ZNF182: variants seen among roughly 807,000 people sequenced by gnomAD.
ZNF182 encodes the protein zinc finger protein 21 (KOX 14).
A neutral mutation model predicts 28.1 loss-of-function variants in ZNF182; 10 were observed. The ratio of observed to expected loss-of-function variants is 0.36; its 90% CI spans 0.22 to 0.60. The LOEUF (loss-of-function observed/expected upper bound fraction) is 0.60. Among genes scored for constraint, ZNF182 ranks in the 20% least tolerant of loss-of-function variants. ZNF182 has a pLI of 0.75. For synonymous variants in ZNF182, 156 were observed against 158.7 expected (o/e 0.98, Z 0.13); for missense variants, 352 against 453.2 (o/e 0.78, Z 2.03).
chrX:47,998,083 CTT>C (rs781980046), intron 3 of ZNF182, among the ~76,000 whole-genome samples: 15 of 99,520 alleles, frequency 1.5e-4, no homozygotes, highest in Admixed American at 2.2e-4. Flanking sequence ...TTTCTTTTCT[CTT>C]TTTTTTTTTT....
intron 3 of ZNF182, among the ~76,000 whole-genome samples, chrX:47,996,396 A>G (rs782483261): frequency 4.4e-4 from 49 of 111,771 alleles, no homozygotes; most frequent in African/African-American, 1.5e-3. Context: ...AAAACACAAT[A>G]GACAAATAAA....
At chrX:47,994,726 C>T (rs1398982312) in intron 3 of ZNF182, among the ~76,000 whole-genome samples, 1 of 111,239 alleles carries the variant, frequency 9.0e-6, no homozygotes, top group Non-Finnish European at 1.9e-5. Context: ...GCAACCTCCG[C>T]CTCCCAGGTT....
At chrX:48,002,296 T>C (rs890088400) in intron 3 of ZNF182, among the ~76,000 whole-genome samples, 1 of 111,924 alleles carries the variant, frequency 8.9e-6, no homozygotes, top group Non-Finnish European at 1.9e-5. Flanking sequence ...CAGGCAACCT[T>C]GACTTCCCAT....
chrX:47,974,897 G>GTACA lies in ZNF182; in HGVS notation c.*1266_*1269dup, dbSNP rs1451964542. ...TTTGAAAAGGTAGTACATCCACATAGTACATAGTACACCCACATTTTCAAA... is the reference window on the plus strand; with the variant it reads ...TTTGAAAAGGTAGTACATCCACATAGTACATACATAGTACACCCACATTTTCAAA... On this transcript the variant is annotated 3_prime_UTR_variant, in exon 6 of 6. Transcript: ENST00000376943. 9.0e-6 allele frequency: 1 copy of GTACA among 111,290 alleles called. No individual in the cohort carries two copies. Among genetic ancestry groups the GTACA allele is most frequent in the Non-Finnish European group, 1.9e-5 (1 of 53,061 alleles). The allele number at this position is 111,290 out of a possible 1,213,427, so 9.2% of individuals were successfully genotyped here.
At chrX:47,982,346 G>C (rs1447099438) in intron 5 of ZNF182, among the ~76,000 whole-genome samples, 1 of 111,741 alleles carries the variant, frequency 8.9e-6, no homozygotes, top group African/African-American at 3.3e-5. Flanking sequence ...AGGGAGTAGG[G>C]GCTTCTTTTC....
chrX:47,996,906 C>T (rs1156270736), intron 3 of ZNF182, among the ~76,000 whole-genome samples: 1 of 111,980 alleles, frequency 8.9e-6, no homozygotes, highest in African/African-American at 3.2e-5. Flanking sequence ...CAGTCAGTAC[C>T]TTAATCTGGG....
At position 47,984,765 on chromosome X, in the gene ZNF182, G is replaced by A. The variant is rs782698087; in HGVS notation, c.16-1354C>T. Among the ~76,000 whole-genome samples, 70 of 111,723 alleles carry A rather than the reference G, an allele frequency of 6.3e-4. 1 individual carries two copies. In the South Asian group the frequency reaches 9.9e-3, roughly 16 times the overall value. The stretch of plus-strand genomic sequence containing the variant: ...GAAAATATCTGCAAATCAAATATCT[G>A]GCAAATAACTTTTATTGAGAATATA... On this transcript the variant is annotated intron_variant, in intron 3 of 5. Transcript: ENST00000376943.
intron 3 of ZNF182, among the ~76,000 whole-genome samples, chrX:47,985,075 C>T (rs947842113): frequency 2.5e-4 from 28 of 112,274 alleles, no homozygotes; most frequent in African/African-American, 8.7e-4. Context: ...CCCACTCCCA[C>T]GTTTATTTAC....
Position 47,977,071 on chromosome X carries a change from G to A in ZNF182, c.959C>T (p.Thr320Ile). The A allele has an allele frequency of 8.3e-7, 1 of 1,209,925 alleles. No individual in the cohort carries two copies. The highest frequency in any genetic ancestry group is 1.8e-5 in the South Asian group (1 of 56,481). ...QKSNLIVHQK[T>I]HTGEKTYECT... Reference sequence around the variant, plus strand: ...TTCATAGGTTTTCTCTCCAGTGTGGGTTTTCTGATGGACAATGAGGTTGGA... The same window carrying A: ...TTCATAGGTTTTCTCTCCAGTGTGGATTTTCTGATGGACAATGAGGTTGGA... Residue 320 changes from threonine to isoleucine, a missense_variant, in exon 6 of 6, where the codon ACC becomes ATC. Physicochemically the swap from Thr to Ile is moderately conservative, Grantham distance 89. Coordinates refer to ENST00000376943, the MANE Select transcript of ZNF182 (RefSeq NM_001007088.2).
At chrX:47,979,211 GA>G (rs1382637409) in intron 5 of ZNF182, among the ~76,000 whole-genome samples, 4 of 112,237 alleles carry the variant, frequency 3.6e-5, no homozygotes, top group Non-Finnish European at 7.5e-5. Flanking sequence ...TAGTGATACT[GA>G]ATTTTAACAT....
chrX:47,976,250 G>A lies in ZNF182; in HGVS notation c.1780C>T (p.Leu594Phe). Reference protein sequence around the residue: ...CGKAFTQKSNLIVHQRTHAGK... With the variant: ...CGKAFTQKSNFIVHQRTHAGK... ...GCATGGGTTCGCTGATGTACAATAAGGTTTGATTTTTGGGTAAAGGCTTTC... is the reference window on the plus strand; with the variant it reads ...GCATGGGTTCGCTGATGTACAATAAAGTTTGATTTTTGGGTAAAGGCTTTC... The change falls in exon 6 of 6, where the codon CTT becomes TTT. Residue 594 changes from leucine (L) to phenylalanine (F), a missense_variant. Coordinates refer to ENST00000376943, the MANE Select transcript of ZNF182 (RefSeq NM_001007088.2). 8.3e-7 allele frequency: 1 copy of A among 1,201,857 alleles called. No individual in the cohort carries two copies. The highest frequency in any genetic ancestry group is 1.1e-6 in the Non-Finnish European group (1 of 891,868).
rs1302881601 is a variant in ZNF182, at chrX:47,975,905, A to C, written c.*262T>G. 7.2e-6 allele frequency: 2 copies of C among 279,403 alleles called. No homozygotes were observed. The highest frequency in any genetic ancestry group is 5.6e-5 in the African/African-American group (2 of 35,867). The allele number at this position is 279,403 out of a possible 1,213,427, so 23.0% of individuals were successfully genotyped here. ...TGCAGCCTTGAGCACTCTCACTCTG[A>C]AATCTCCTGCACCAGTGCTTCATTT... On this transcript the variant is annotated 3_prime_UTR_variant, in exon 6 of 6. Transcript: ENST00000376943.
chrX:47,999,965 G>A (rs2058973126), intron 3 of ZNF182, among the ~76,000 whole-genome samples: 1 of 110,340 alleles, frequency 9.1e-6, no homozygotes, highest in Non-Finnish European at 1.9e-5. Context: ...GTGAAACCCC[G>A]TCTCTACTAA....
In ZNF182 at chrX:47,977,018, G is replaced by T; in HGVS notation, c.1012C>A (p.Gln338Lys). 1.7e-6 allele frequency: 2 copies of T among 1,205,427 alleles called. No homozygotes were observed. The highest frequency in any genetic ancestry group is 2.2e-6 in the Non-Finnish European group (2 of 893,231). The change falls in exon 6 of 6, where the codon CAG (glutamine) becomes AAG (lysine). Residue 338 changes from glutamine to lysine, a missense_variant. Coordinates refer to ENST00000376943, the MANE Select transcript of ZNF182 (RefSeq NM_001007088.2). ...TGATGTATAATTAGATCAAGCTTCT[G>T]TATGAAAGATTCTCCACATTTAGTG... ...ECTKCGESFI[Q>K]KLDLIIHHST... is the part of the protein sequence containing the mutation.
chrX:47,976,841 T>C lies in ZNF182; in HGVS notation c.1189A>G (p.Thr397Ala). ...ECGKSFNEKS[T>A]LIVHQRTHTG... ...TGAGTTCTTTGATGCACAATGAGGG[T>C]TGACTTCTCATTGAAAGACTTCCCA... The change falls in exon 6 of 6, where the codon ACC (threonine) becomes GCC (alanine). Residue 397 changes from threonine (T) to alanine (A), a missense_variant. Transcript: ENST00000376943. The C allele has an allele frequency of 8.3e-7, 1 of 1,208,422 alleles. No homozygotes were observed. The highest frequency in any genetic ancestry group is 1.1e-6 in the Non-Finnish European group (1 of 893,997).
At chrX:47,993,072 G>A (rs190639549) in intron 3 of ZNF182, among the ~76,000 whole-genome samples, 189 of 113,063 alleles carry the variant, frequency 1.7e-3, no homozygotes, top group Non-Finnish European at 2.8e-3. Flanking sequence ...GAACTTTCAG[G>A]CCCACCCCCA....
chrX:47,988,379 G>A (rs1290038127), intron 3 of ZNF182: 1 of 305,719 alleles, frequency 3.3e-6, no homozygotes, highest in African/African-American at 2.8e-5. Flanking sequence ...TTGGGTAATG[G>A]GGATGGATCC....
intron 3 of ZNF182, among the ~76,000 whole-genome samples, chrX:47,999,570 G>A (rs1214639368): frequency 9.1e-6 from 1 of 109,735 alleles, no homozygotes. Flanking sequence ...GGGTTGCGGG[G>A]TGGGTAGCCA....
intron 3 of ZNF182, chrX:47,988,495 C>A: frequency 2.1e-6 from 1 of 474,901 alleles, no homozygotes; most frequent in Non-Finnish European, 3.8e-6. Context: ...CTCCCCCACT[C>A]TTGCTCCCAC....
Sources: allele counts gnomAD v4.1 joint callset (sites outside exome capture counted in the v4.1 genomes callset), GRCh38; gene constraint gnomAD v4.1.1; transcripts MANE v1.5; gene names NCBI Gene and HGNC (gene_info 2026-07-23, HGNC 2026-07-21).